The following PRRC2B variants were observed in gnomAD, a reference collection of about 807,000 sequenced individuals.
The protein encoded by PRRC2B is protein PRRC2B.
In PRRC2B, 68 loss-of-function variants were observed where a neutral mutation model predicts 242.3. The ratio of observed to expected loss-of-function variants is 0.28; its 90% CI spans 0.23 to 0.34. The LOEUF is 0.34. PRRC2B is among the 10% of genes least tolerant of loss of function. The pLI, the probability that PRRC2B is intolerant of heterozygous loss-of-function variation, is 1.00. For synonymous variants in PRRC2B, 1,228 were observed against 1,173.6 expected, an observed-to-expected ratio of 1.05 and a Z score of -0.95; for missense variants, 2,835 against 2,954.8, an observed-to-expected ratio of 0.96 and a Z score of 0.94.
chr9:131,451,235 TA>T (rs1382193226), intron 9 of PRRC2B, among the ~76,000 whole-genome samples: 19 of 152,034 alleles, frequency 1.2e-4, no homozygotes, highest in African/African-American at 4.6e-4. Flanking sequence ...CCGTCTCTGC[TA>T]AAAATACAAA....
Position 131,446,509 on chromosome 9 carries a change from C to A in PRRC2B, c.722C>A (p.Ala241Asp). 1 of 1,613,888 alleles carries A rather than the reference C, an allele frequency of 6.2e-7. No individual in the cohort carries two copies. The highest frequency in any genetic ancestry group is 8.5e-7 in the Non-Finnish European group (1 of 1,179,848). The stretch of plus-strand genomic sequence containing the variant: ...AGGAACTCGAGTACGGGAGATGGAG[C>A]CCCCTCCTCGGCATGTACCAGCGAT... ...GSRNSSTGDG[A>D]PSSACTSDSK... Residue 241 changes from alanine to aspartate, a missense_variant, in exon 7 of 32, where the codon GCC (alanine) becomes GAC (aspartate). Ala to Asp is a moderately radical substitution (Grantham distance 126, BLOSUM62 -2). Transcript: ENST00000683519. This position sits in a 1 kb window ranked among gnomAD's most constrained non-coding sequence, Gnocchi z 4.1.
intron 2 of PRRC2B, among the ~76,000 whole-genome samples, chr9:131,431,493 G>A (rs942948216): frequency 6.6e-6 from 1 of 151,742 alleles, no homozygotes; most frequent in African/African-American, 2.4e-5. Context: ...TCGAACTCCC[G>A]ACCTTAGGTG....
At chr9:131,477,652 C>T in intron 16 of PRRC2B, 92 bp from the exon 17 acceptor site, 1 of 756,668 alleles carries the variant, frequency 1.3e-6, no homozygotes, top group East Asian at 2.7e-5. Context: ...GGGCCTAGAT[C>T]AGGGTGCCGG....
chr9:131,473,230 G>A (rs1943592767), intron 14 of PRRC2B, among the ~76,000 whole-genome samples: 1 of 152,138 alleles, frequency 6.6e-6, no homozygotes, highest in African/African-American at 2.4e-5. Flanking sequence ...TTCATCCCCT[G>A]TCCTGAGTGT....
At chr9:131,464,485 C>CATGGTTT (rs1943336170) in intron 11 of PRRC2B, among the ~76,000 whole-genome samples, 1 of 152,294 alleles carries the variant, frequency 6.6e-6, no homozygotes, top group East Asian at 1.9e-4. Context: ...GCTTTGCAAA[C>CATGGTTT]ATGGTTTTCA....
At chr9:131,480,880 A>G (rs1255736744) in intron 19 of PRRC2B, among the ~76,000 whole-genome samples, 1 of 152,136 alleles carries the variant, frequency 6.6e-6, no homozygotes, top group Non-Finnish European at 1.5e-5. Context: ...TGTAGAAGCC[A>G]CCAACTTTGG....
rs1033349820 is a variant in PRRC2B at position 131,396,324 on chromosome 9, T to C, written c.-52+2061T>C. Among the ~76,000 whole-genome samples, 3 of 141,976 alleles carry C rather than the reference T, an allele frequency of 2.1e-5. No individual in the cohort carries two copies. In the East Asian group the frequency reaches 6.1e-4, roughly 29 times the overall value. The allele number at this position is 141,976 out of a possible 152,430, so 93.1% of individuals were successfully genotyped here. A position where few individuals can be genotyped will look rare whatever the true frequency, so the allele number is the denominator to read the frequency against. ...CCCTTCCTTCTTTTTTCTTTTCTTT[T>C]CTTTTTTTTTTTTTTTTTTTTGAGA... On this transcript the variant is annotated intron_variant, in intron 1 of 31. Transcript: ENST00000683519.
At chr9:131,490,825 G>T in intron 28 of PRRC2B, 1 of 307,290 alleles carries the variant, frequency 3.3e-6, no homozygotes, top group South Asian at 2.8e-5. Flanking sequence ...TACGTCCGAT[G>T]CAGCTTTCAT....
intron 11 of PRRC2B, 93 bp downstream of exon 11, chr9:131,459,449 AT>A: frequency 9.8e-7 from 1 of 1,020,344 alleles, no homozygotes; most frequent in Non-Finnish European, 1.4e-6. Flanking sequence ...TTTCTTTTTC[AT>A]TTTTATATTT....
rs749051569 is a variant in PRRC2B at position 131,472,471 on chromosome 9, A to ATTTTTTTT, written c.2108-1021_2108-1014dup. 3.3e-5 allele frequency among the ~76,000 whole-genome samples: 3 copies of ATTTTTTTT among 91,522 alleles called. 1 individual carries two copies. Among genetic ancestry groups the ATTTTTTTT allele is most frequent in the African/African-American group, 4.6e-5 (1 of 21,766 alleles). 60.0% of individuals were successfully genotyped at this position (91,522 alleles called of 152,430 possible). On this transcript the variant is annotated intron_variant, in intron 14 of 31. Transcript: ENST00000683519. ...AGGCGCCCACCACCACGCCCAGCTA[A>ATTTTTTTT]TTTTTTTTTTTTTTTTTTTTTTTGA...
At position 131,447,720 on chromosome 9, in the gene PRRC2B, C is replaced by T. The variant is rs779547042; in HGVS notation, c.1036C>T (p.Arg346Trp). Residue 346 changes from arginine (R) to tryptophan (W), a missense_variant, in exon 9 of 32, where the codon CGG (arginine) becomes TGG (tryptophan). Arg to Trp is a moderately radical substitution (Grantham distance 101). Transcript: ENST00000683519. Reference sequence around the variant, plus strand: ...CCGCCCACTAAGGCAGCTGGTGGAGCGGGCACCACGGCCCACCATTATCAA... The same window carrying T: ...CCGCCCACTAAGGCAGCTGGTGGAGTGGGCACCACGGCCCACCATTATCAA... ...PLRPLRQLVE[R>W]APRPTIINAE... 1.2e-5 allele frequency: 20 copies of T among 1,613,224 alleles called. No individual in the cohort carries two copies. The highest frequency in any genetic ancestry group is 3.3e-5 in the South Asian group (3 of 91,006).
chr9:131,491,968 G>A (rs1461551454), intron 29 of PRRC2B, among the ~76,000 whole-genome samples: 10 of 152,214 alleles, frequency 6.6e-5, no homozygotes, highest in East Asian at 1.9e-4. Context: ...CCCAGTCCCC[G>A]GGCTGCAGAG....
At chr9:131,407,774 C>T (rs1467748718) in intron 1 of PRRC2B, among the ~76,000 whole-genome samples, 1 of 152,190 alleles carries the variant, frequency 6.6e-6, no homozygotes, top group Non-Finnish European at 1.5e-5. Context: ...GGGCGTGTGG[C>T]CCAGTTCTGA....
At chr9:131,387,011 TTTC>T (rs1233098031) in intron 1 of PRRC2B, among the ~76,000 whole-genome samples, 22 of 145,876 alleles carry the variant, frequency 1.5e-4, no homozygotes, top group African/African-American at 2.9e-4. Context: ...TCTTTCTTTC[TTTC>T]TTTTTTGAGA....
intron 14 of PRRC2B, among the ~76,000 whole-genome samples, chr9:131,471,890 A>G (rs1268703788): frequency 6.6e-6 from 1 of 152,206 alleles, no homozygotes; most frequent in Non-Finnish European, 1.5e-5. Flanking sequence ...TGTCTTCATC[A>G]TTGCAAGTTT....
At chr9:131,453,279 T>C (rs1372506137) in intron 9 of PRRC2B, among the ~76,000 whole-genome samples, 2 of 152,242 alleles carry the variant, frequency 1.3e-5, no homozygotes, top group Non-Finnish European at 2.9e-5. Context: ...AGCTCCTTTA[T>C]GTTTGTATTT....
rs139893527 is a variant in PRRC2B at position 131,465,230 on chromosome 9, G to A, written c.1720+152G>A. On this transcript the variant is annotated intron_variant, in intron 12 of 31. Transcript: ENST00000683519. ...ATCAGTTATTAAGAGCATAGGCCTG[G>A]GTCAAATGCCTGGGTTCTGATCCTA... 7.2e-3 allele frequency among the ~76,000 whole-genome samples: 1,103 copies of A among 152,160 alleles called. 12 individuals carry two copies. Among genetic ancestry groups the A allele is most frequent in the African/African-American group, 0.025 (1,048 of 41,510 alleles).
Position 131,439,000 on chromosome 9 carries a change from A to G in PRRC2B, c.408A>G (p.Ser136=), listed in dbSNP as rs752889100. The part of the protein sequence containing the change: ...TQSISQENTN[S]VPGGPKSWAQ... The stretch of plus-strand genomic sequence containing the variant: ...CTTCCTTCTTTCAGAATACAAATTC[A>G]GTGCCAGGTGGACCAAAGTCATGGG... Residue 136 remains serine (S), a synonymous_variant, in exon 5 of 32, where the codon TCA becomes TCG. Coordinates refer to ENST00000683519, the MANE Select transcript of PRRC2B (RefSeq NM_013318.4). The G allele has an allele frequency of 6.2e-6, 10 of 1,613,004 alleles. No individual in the cohort carries two copies. Among genetic ancestry groups the G allele is most frequent in the Non-Finnish European group, 8.5e-6 (10 of 1,179,398 alleles).
chr9:131,485,573 T>G (rs1171528790), intron 25 of PRRC2B: 6 of 526,820 alleles, frequency 1.1e-5, no homozygotes, highest in Non-Finnish European at 2.2e-5. Context: ...CCTCAGTCAC[T>G]GGCAGCTACT....
Sources: gnomAD v4.1 joint callset for allele counts (sites outside exome capture counted in the v4.1 genomes callset) on GRCh38, gnomAD v4.1.1 for gene constraint, Gnocchi (gnomAD v3.1) non-coding constraint, MANE v1.5 for transcripts, NCBI Gene and HGNC (gene_info 2026-07-23, HGNC 2026-07-21) for gene names.